The following DYNC2LI1 variants were observed in gnomAD, a reference collection of about 807,000 sequenced individuals.
DYNC2LI1 encodes cytoplasmic dynein 2 light intermediate chain 1.
DYNC2LI1 carries 45 observed loss-of-function variants against 51.9 expected under a neutral mutation model. The observed-to-expected ratio is 0.87, with a 90% confidence interval of 0.68 to 1.11. The LOEUF is 1.11. Among genes scored for constraint, DYNC2LI1 ranks in the 50% most tolerant of loss-of-function variants. The pLI, the probability that DYNC2LI1 is intolerant of heterozygous loss-of-function variation, is 0.00. For missense variants in DYNC2LI1, 490 were observed against 417.4 expected, an observed-to-expected ratio of 1.17 and a Z score of -1.51; for synonymous variants, 130 against 137.8, an observed-to-expected ratio of 0.94 and a Z score of 0.40.
intron 4 of DYNC2LI1, 50 bp from the exon 5 acceptor site, chr2:43,789,583 C>A: frequency 7.2e-7 from 1 of 1,396,278 alleles, no homozygotes; most frequent in Non-Finnish European, 1.0e-6. Context: ...GTGCTAATGA[C>A]ATATAAGAAG....
chr2:43,822,482 C>T, the DYNC2LI1 span: 12 of 889,386 alleles, frequency 1.3e-5, 1 homozygote, highest in Non-Finnish European at 1.6e-5. Flanking sequence ...CCCCAGGCCC[C>T]CCCCCATGCA....
intron 3 of DYNC2LI1, among the ~76,000 whole-genome samples, chr2:43,784,200 A>G (rs1294005888): frequency 1.3e-5 from 2 of 152,194 alleles, no homozygotes; most frequent in Admixed American, 6.5e-5. Context: ...TTTGAAAAAT[A>G]TTTTTAAAGG....
the DYNC2LI1 span, chr2:43,826,497 G>A: frequency 6.2e-7 from 1 of 1,614,198 alleles, no homozygotes; most frequent in Non-Finnish European, 8.5e-7. Flanking sequence ...CAGGCCTGTG[G>A]TTGGCTCATC....
chr2:43,784,312 C>A (rs897750803), intron 3 of DYNC2LI1, among the ~76,000 whole-genome samples: 1 of 152,182 alleles, frequency 6.6e-6, no homozygotes, highest in African/African-American at 2.4e-5. Context: ...TTTCCATATC[C>A]AGGAATCATG....
downstream of DYNC2LI1, chr2:43,810,602 G>C (rs1001268404): frequency 2.4e-6 from 2 of 841,130 alleles, no homozygotes; most frequent in South Asian, 1.1e-4. Flanking sequence ...TTGACTCCCA[G>C]CTTCAGATAA....
At chr2:43,814,417 C>T, downstream of DYNC2LI1, 2 of 1,084,150 alleles carry the variant, frequency 1.8e-6, no homozygotes, top group Non-Finnish European at 2.8e-6. Context: ...TACATTTCCT[C>T]CAAGAAATTG....
chr2:43,807,674 C>T (rs1257317431), intron 12 of DYNC2LI1, among the ~76,000 whole-genome samples: 1 of 147,010 alleles, frequency 6.8e-6, no homozygotes, highest in African/African-American at 2.5e-5. Flanking sequence ...CTGAGTTGGC[C>T]TCCCAAAGTG....
chr2:43,774,275 G>T, intron 1 of DYNC2LI1, 129 bp downstream of exon 1: 1 of 1,255,188 alleles, frequency 8.0e-7, no homozygotes, highest in South Asian at 1.3e-5. Flanking sequence ...GCAGGGTCGG[G>T]GACCTAGGAA....
chr2:43,788,332 C>T (rs1032874372), intron 4 of DYNC2LI1, among the ~76,000 whole-genome samples: 2 of 152,150 alleles, frequency 1.3e-5, no homozygotes, highest in Non-Finnish European at 2.9e-5. Context: ...TCACCTAAAA[C>T]TTATTTTATT....
At chr2:43,792,284 A>T (rs116646720) in intron 5 of DYNC2LI1, among the ~76,000 whole-genome samples, 1,868 of 152,268 alleles carry the variant, frequency 0.012, 47 homozygotes, top group African/African-American at 0.041. Flanking sequence ...CAGAATTGTT[A>T]CTGTTTTGCT....
At chr2:43,825,170 C>T in the DYNC2LI1 span, 17 of 865,252 alleles carry the variant, frequency 2.0e-5, no homozygotes, top group African/African-American at 8.5e-5. Flanking sequence ...GCAGTCAGTC[C>T]TTCGATGACC....
intron 1 of DYNC2LI1, chr2:43,775,838 C>T (rs1424510476): frequency 4.6e-6 from 1 of 215,856 alleles, no homozygotes; most frequent in Non-Finnish European, 9.0e-6. Context: ...CAGACACCCG[C>T]CACCACACCT....
chr2:43,825,836 C>G, the DYNC2LI1 span, among the ~76,000 whole-genome samples: 1 of 152,324 alleles, frequency 6.6e-6, no homozygotes, highest in East Asian at 1.9e-4. Flanking sequence ...CTGAAACACA[C>G]CTCATAGGAG....
Position 43,805,208 on chromosome 2 carries a change from G to C in DYNC2LI1, c.955G>C (p.Glu319Gln). ...CCCTGCGAGAGATCCTCAGTATGCT[G>C]AAAATGAAGTCGATGAGATGAGAAT... ...KDPARDPQYA[E>Q]NEVDEMRIQK... is the part of the protein sequence containing the mutation. The change falls in exon 12 of 13, where the codon GAA becomes CAA. Residue 319 changes from glutamate to glutamine, a missense_variant. Glu to Gln is a conservative substitution (Grantham distance 29, BLOSUM62 2). Transcript: ENST00000260605. The C allele has an allele frequency of 1.2e-6, 2 of 1,611,580 alleles. No homozygotes were observed. The highest frequency in any genetic ancestry group is 1.7e-6 in the Non-Finnish European group (2 of 1,177,958).
chr2:43,798,444 C>G (rs956484301), intron 8 of DYNC2LI1, among the ~76,000 whole-genome samples: 6 of 144,682 alleles, frequency 4.1e-5, no homozygotes, highest in African/African-American at 1.4e-4. Flanking sequence ...AATGGCTCAT[C>G]GAGGGTACAG....
rs780368581 is a variant in DYNC2LI1 at position 43,801,695 on chromosome 2, C to T, written c.788C>T (p.Ser263Phe). 3 of 1,608,862 alleles carry T rather than the reference C, an allele frequency of 1.9e-6. No homozygotes were observed. In the African/African-American group the frequency reaches 4.0e-5, roughly 22 times the overall value. Reference sequence around the variant, plus strand: ...CTGTTTATCACAGCAGGATTGGATTCTTTCGGTCAAATAGGTTAGTGAACT... The same window carrying T: ...CTGTTTATCACAGCAGGATTGGATTTTTTCGGTCAAATAGGTTAGTGAACT... The part of the protein sequence containing the change: ...KPLFITAGLD[S>F]FGQIGSPPVP... Residue 263 changes from serine (S) to phenylalanine (F), a missense_variant, in exon 10 of 13, where the codon TCT becomes TTT. By Grantham distance (155) the Ser-to-Phe change is radical (BLOSUM62 -2). Coordinates refer to ENST00000260605, the MANE Select transcript of DYNC2LI1 (RefSeq NM_016008.4).
intron 12 of DYNC2LI1, chr2:43,805,456 A>T (rs879453286): frequency 6.8e-6 from 2 of 294,592 alleles, no homozygotes; most frequent in Non-Finnish European, 1.2e-5. Context: ...AAAAATTTTT[A>T]AATCACCTGT....
chr2:43,783,748 G>T lies in DYNC2LI1; in HGVS notation c.161+194G>T, dbSNP rs2288707. Among the ~76,000 whole-genome samples the T allele has an allele frequency of 0.12, 18,053 of 152,026 alleles. 1,389 individuals are homozygous for T. The highest frequency in any genetic ancestry group is 0.21 in the Admixed American group (3,257 of 15,264). On this transcript the variant is annotated intron_variant, in intron 3 of 12. Coordinates refer to ENST00000260605, the MANE Select transcript of DYNC2LI1 (RefSeq NM_016008.4). The stretch of plus-strand genomic sequence containing the variant: ...TAACAATAAGCCAAAAATTATATGA[G>T]ACTAATACTGGATTTCCCTATTTGA...
intron 7 of DYNC2LI1, among the ~76,000 whole-genome samples, 168 bp downstream of exon 7, chr2:43,796,126 G>C (rs79195567): frequency 1.3e-5 from 2 of 152,068 alleles, no homozygotes; most frequent in African/African-American, 2.4e-5. Context: ...GAAAAAAATA[G>C]GTAAAGAAAA....
Sources: allele counts gnomAD v4.1 joint callset (sites outside exome capture counted in the v4.1 genomes callset), GRCh38; gene constraint gnomAD v4.1.1; transcripts MANE v1.5; gene names NCBI Gene and HGNC (gene_info 2026-07-23, HGNC 2026-07-21).